Variants in CD163L1 observed in about 807,000 individuals in gnomAD.
The protein encoded by CD163L1 is scavenger receptor cysteine-rich type 1 protein M160.
CD163L1 carries 124 observed loss-of-function variants against 165.4 expected under a neutral mutation model. That is an observed-to-expected ratio of 0.75 (90% CI 0.65 to 0.87). The LOEUF (loss-of-function observed/expected upper bound fraction) is 0.87, where lower values mean the gene tolerates loss of function less well. Ranked by LOEUF, CD163L1 falls within the 40% of genes least tolerant of loss-of-function variation. CD163L1 has a pLI of 0.00. For missense variants in CD163L1, 1,525 were observed against 1,799.9 expected (o/e 0.85, Z 2.76); for synonymous variants, 585 against 662.2 (o/e 0.88, Z 1.79).
rs1947898649 is a variant in CD163L1, at chr12:7,400,669, C to T, written c.1409-2085G>A. 6.6e-6 allele frequency among the ~76,000 whole-genome samples: 1 copy of T among 152,174 alleles called. No homozygotes were observed. Among genetic ancestry groups the T allele is most frequent in the Non-Finnish European group, 1.5e-5 (1 of 68,036 alleles). ...AGTTGCTGGGACAACAGGCATGTGCCACCATGCCCAACCAATTCATAGGTT... is the reference window on the plus strand; with the variant it reads ...AGTTGCTGGGACAACAGGCATGTGCTACCATGCCCAACCAATTCATAGGTT... On this transcript the variant is annotated intron_variant, in intron 6 of 19. Transcript: ENST00000313599. This position sits in a 1 kb window ranked among gnomAD's most constrained non-coding sequence, Gnocchi z 4.1.
the CD163L1 span, among the ~76,000 whole-genome samples, chr12:7,333,881 A>G: frequency 6.6e-6 from 1 of 152,220 alleles, no homozygotes; most frequent in African/African-American, 2.4e-5. Context: ...AATAAACTAG[A>G]AAATCTAGAA....
chr12:7,327,337 G>A, the CD163L1 span, among the ~76,000 whole-genome samples: 5 of 152,068 alleles, frequency 3.3e-5, no homozygotes, highest in African/African-American at 1.2e-4. Flanking sequence ...GTCTTTCTAG[G>A]ACTAACTAGT....
At position 7,380,362 on chromosome 12, in the gene CD163L1, CGCGTATACATACATGTATGTGTGTATAT is replaced by C. The variant is rs1565784266; in HGVS notation, c.2051-1092_2051-1065del. On this transcript the variant is annotated intron_variant, in intron 8 of 19. Transcript: ENST00000313599. The stretch of plus-strand genomic sequence containing the variant: ...GTATACATACATGTATGTGTGTATA[CGCGTATACATACATGTATGTGTGTATAT>C]GCGTATACACACATGTATGTGTGTA... Among the ~76,000 whole-genome samples the C allele has an allele frequency of 6.7e-3, 976 of 145,832 alleles. 16 individuals carry two copies. Among genetic ancestry groups the C allele is most frequent in the African/African-American group, 0.022 (831 of 38,118 alleles).
In CD163L1 at chr12:7,396,288, C is replaced by G; in HGVS notation, c.1857G>C (p.Val619=). 1 of 1,614,160 alleles carries G rather than the reference C, an allele frequency of 6.2e-7. No individual in the cohort carries two copies. ...DDGWNSKAAA[V]VCSQLDCPSS... The stretch of plus-strand genomic sequence containing the variant: ...ATGGGCAGTCCAGCTGGCTACACAC[C>G]ACAGCTGCAGCTTTACTGTTCCAGC... The change falls in exon 8 of 20, where the codon GTG becomes GTC. Residue 619 remains valine, a synonymous_variant. Coordinates refer to ENST00000313599, the MANE Select transcript of CD163L1 (RefSeq NM_174941.6).
chr12:7,400,051 C>G lies in CD163L1; in HGVS notation c.1409-1467G>C, dbSNP rs979101661. ...ATAATAATCTTACATTCTATTCAAC[C>G]TAGTATGTGTGTGTGTGTATTTTAA... On this transcript the variant is annotated intron_variant, in intron 6 of 19. Coordinates refer to ENST00000313599, the MANE Select transcript of CD163L1 (RefSeq NM_174941.6). This position sits in a 1 kb window ranked among gnomAD's most constrained non-coding sequence, Gnocchi z 4.1. 1.5e-4 allele frequency among the ~76,000 whole-genome samples: 23 copies of G among 152,034 alleles called. No individual in the cohort carries two copies. Among genetic ancestry groups the G allele is most frequent in the African/African-American group, 4.6e-4 (19 of 41,394 alleles).
At chr12:7,320,363 A>C in the CD163L1 span, among the ~76,000 whole-genome samples, 2 of 152,250 alleles carry the variant, frequency 1.3e-5, no homozygotes, top group African/African-American at 4.8e-5. Flanking sequence ...AGTCAATACT[A>C]TCCATGAATA....
At chr12:7,436,264 T>G (rs933495550) in intron 2 of CD163L1, among the ~76,000 whole-genome samples, 2 of 152,154 alleles carry the variant, frequency 1.3e-5, no homozygotes, top group African/African-American at 4.8e-5. Flanking sequence ...TCTAATCAAA[T>G]ATAACATTAA....
downstream of CD163L1, among the ~76,000 whole-genome samples, chr12:7,344,285 C>G: frequency 6.6e-6 from 1 of 152,152 alleles, no homozygotes; most frequent in South Asian, 2.1e-4. Flanking sequence ...CCAGGCTGGT[C>G]TCTAACTCCT....
downstream of CD163L1, among the ~76,000 whole-genome samples, chr12:7,341,707 A>T (rs1946638645): frequency 6.6e-6 from 1 of 152,100 alleles, no homozygotes; most frequent in Non-Finnish European, 1.5e-5. Flanking sequence ...GAAAAATGGG[A>T]TGGGAAACGA....
rs1490737975 is a variant in CD163L1, at chr12:7,374,977, G to T, written c.3002-54C>A. On this transcript the variant is annotated intron_variant, in intron 11 of 19. Transcript: ENST00000313599. This position sits in a 1 kb window ranked among gnomAD's most constrained non-coding sequence, Gnocchi z 5.4. ...AAGTAAGACCAAAATACATGGAAAA[G>T]GTTGAAGAGTTCTGTAACAACATGG... The T allele has an allele frequency of 1.3e-6, 2 of 1,498,100 alleles. No homozygotes were observed. The highest frequency in any genetic ancestry group is 1.1e-5 in the South Asian group (1 of 88,400). 92.8% of individuals were successfully genotyped at this position (1,498,100 alleles called of 1,614,324 possible). A position where few individuals can be genotyped will look rare whatever the true frequency, so the allele number is the denominator to read the frequency against.
At chr12:7,382,035 T>C (rs1429359312) in intron 8 of CD163L1, among the ~76,000 whole-genome samples, 1 of 147,994 alleles carries the variant, frequency 6.8e-6, no homozygotes, top group South Asian at 2.1e-4. Context: ...TAGAATTGTT[T>C]ATATATAATT....
At chr12:7,424,511 A>G (rs1166555611) in intron 4 of CD163L1, among the ~76,000 whole-genome samples, 5 of 152,170 alleles carry the variant, frequency 3.3e-5, no homozygotes, top group Non-Finnish European at 1.5e-5. Context: ...AGAAAGAAAT[A>G]AAGGGTATTC....
chr12:7,328,433 C>T, the CD163L1 span: 1 of 1,277,678 alleles, frequency 7.8e-7, no homozygotes, highest in Non-Finnish European at 1.1e-6. Context: ...AGTATTTGTT[C>T]CGATAATTCA....
At chr12:7,405,430 G>A (rs1947998053) in intron 5 of CD163L1, among the ~76,000 whole-genome samples, 1 of 151,974 alleles carries the variant, frequency 6.6e-6, no homozygotes, top group South Asian at 2.1e-4. Flanking sequence ...TCTTTTGAAT[G>A]GTGAAAGTGG....
chr12:7,346,239 C>A (rs2136359886), downstream of CD163L1, among the ~76,000 whole-genome samples: 1 of 152,182 alleles, frequency 6.6e-6, no homozygotes, highest in East Asian at 1.9e-4. Context: ...TTTGTAGATG[C>A]CCCCAAAATT....
intron 18 of CD163L1, among the ~76,000 whole-genome samples, chr12:7,359,234 C>G (rs563281489): frequency 6.6e-6 from 1 of 151,782 alleles, no homozygotes; most frequent in East Asian, 1.9e-4. Flanking sequence ...AAGCACTTAT[C>G]CAGGCAGCAC....
chr12:7,323,307 A>G, the CD163L1 span: 13 of 1,610,716 alleles, frequency 8.1e-6, no homozygotes, highest in Non-Finnish European at 1.1e-5. Flanking sequence ...CTGCCCTATG[A>G]TGTCCAGGTA....
In CD163L1 at chr12:7,368,188, G is replaced by C. The variant is rs759267188; in HGVS notation, c.4082C>G (p.Ala1361Gly). Residue 1361 changes from alanine to glycine, a missense_variant, in exon 17 of 20, where the codon GCA becomes GGA. Transcript: ENST00000313599. This position sits in a 1 kb window ranked among gnomAD's most constrained non-coding sequence, Gnocchi z 4.3. ...CCCAAAGATACTGGATAAAATAAGT[G>C]CTAAATGACCTGTATAGAAATTAAG... ...KSLNASSGHL[A>G]LILSSIFGLL... is the part of the protein sequence containing the mutation. 2 of 1,568,618 alleles carry C rather than the reference G, an allele frequency of 1.3e-6. No individual in the cohort carries two copies. The highest frequency in any genetic ancestry group is 2.2e-5 in the South Asian group (2 of 90,228).
rs767732906 is a variant in CD163L1, at chr12:7,379,145, G to A, written c.2204C>T (p.Ser735Phe). 3.7e-6 allele frequency: 6 copies of A among 1,613,990 alleles called. No homozygotes were observed. Among genetic ancestry groups the A allele is most frequent in the Admixed American group, 3.3e-5 (2 of 60,000 alleles). ...AGGCTCTCTGGAGACCCTGATTGCA[G>A]ACCCACATTCAAGTTGCCTGCAAAC... Reference protein sequence around the residue: ...EVVCRQLECGSAIRVSREPHF... With the variant: ...EVVCRQLECGFAIRVSREPHF... Residue 735 changes from serine (S) to phenylalanine (F), a missense_variant, in exon 9 of 20, where the codon TCT becomes TTT. Transcript: ENST00000313599.
Sources: gnomAD v4.1 joint callset for allele counts (sites outside exome capture counted in the v4.1 genomes callset) on GRCh38, gnomAD v4.1.1 for gene constraint, Gnocchi (gnomAD v3.1) non-coding constraint, MANE v1.5 for transcripts, NCBI Gene and HGNC (gene_info 2026-07-23, HGNC 2026-07-21) for gene names.